The following PCDH9 variants were observed in gnomAD, a reference collection of about 807,000 sequenced individuals.
PCDH9 encodes protocadherin-9.
In PCDH9, 24 loss-of-function variants were observed where a neutral mutation model predicts 70.6. The observed-to-expected ratio is 0.34, with a 90% CI of 0.25 to 0.48. The LOEUF (loss-of-function observed/expected upper bound fraction) is 0.48. Ranked by LOEUF, PCDH9 falls within the 20% of genes least tolerant of loss-of-function variation. PCDH9 has a pLI of 0.99. For synonymous variants in PCDH9, 562 were observed against 558.5 expected, an observed-to-expected ratio of 1.01 and a Z score of -0.09; for missense variants, 1,281 against 1,503.6, an observed-to-expected ratio of 0.85 and a Z score of 2.45.
intron 2 of PCDH9, among the ~76,000 whole-genome samples, chr13:66,985,202 C>G (rs114752203): frequency 6.6e-6 from 1 of 152,122 alleles, no homozygotes; most frequent in South Asian, 2.1e-4. Context: ...TTATGCTCAA[C>G]CTTGACAAGA....
intron 2 of PCDH9, among the ~76,000 whole-genome samples, chr13:67,154,841 C>T (rs1215064214): frequency 6.6e-6 from 1 of 151,234 alleles, no homozygotes; most frequent in Non-Finnish European, 1.5e-5. Flanking sequence ...GTAGCTGGTA[C>T]TACAGGTGCG....
chr13:66,820,443 T>C (rs1594102640), intron 3 of PCDH9, among the ~76,000 whole-genome samples: 1 of 152,274 alleles, frequency 6.6e-6, no homozygotes, highest in South Asian at 2.1e-4. Context: ...AGTGTGGTAA[T>C]TGCTCAGAGT....
intron 4 of PCDH9, among the ~76,000 whole-genome samples, chr13:66,555,095 G>T (rs780700935): frequency 6.6e-6 from 1 of 151,948 alleles, no homozygotes; most frequent in Non-Finnish European, 1.5e-5. Context: ...CTTGAACCCG[G>T]GAGGCGGAGG....
chr13:66,597,294 T>C (rs1180268075), intron 4 of PCDH9, among the ~76,000 whole-genome samples: 1 of 151,644 alleles, frequency 6.6e-6, no homozygotes, highest in Non-Finnish European at 1.5e-5. Flanking sequence ...ACAAAGGACC[T>C]TCAAAGTAGA....
rs1388312996 is a variant in PCDH9 at position 67,214,933 on chromosome 13, C to CATATATATATAT, written c.3036+10471_3036+10472insATATATATATAT. On this transcript the variant is annotated intron_variant, in intron 2 of 4. Coordinates refer to ENST00000377865, the MANE Select transcript of PCDH9 (RefSeq NM_203487.3). ...TTCTGAGTGTCTGGCTATTGCGAGC[C>CATATATATATAT]AGATATATATATATATATATATATA... is the stretch of plus-strand genomic sequence containing the variant. 2.1e-3 allele frequency: 56 copies of CATATATATATAT among 26,144 alleles called. 2 individuals carry two copies. The highest frequency in any genetic ancestry group is 6.3e-3 in the African/African-American group (52 of 8,274). 1.6% of individuals were successfully genotyped at this position (26,144 alleles called of 1,614,324 possible).
intron 3 of PCDH9, among the ~76,000 whole-genome samples, chr13:66,775,192 AAG>A (rs1416290261): frequency 2.0e-5 from 3 of 152,204 alleles, no homozygotes; most frequent in African/African-American, 7.2e-5. Context: ...AAGTGGGATA[AAG>A]AGATTTATTA....
At chr13:66,533,899 G>A (rs562694970) in intron 4 of PCDH9, among the ~76,000 whole-genome samples, 212 of 152,220 alleles carry the variant, frequency 1.4e-3, no homozygotes, top group Non-Finnish European at 2.0e-3. Flanking sequence ...TGGATTTGAT[G>A]AAATAAAATG....
intron 3 of PCDH9, among the ~76,000 whole-genome samples, chr13:66,765,324 A>C (rs1421833649): frequency 6.6e-6 from 1 of 152,034 alleles, no homozygotes; most frequent in Non-Finnish European, 1.5e-5. Flanking sequence ...TCCAACCCTG[A>C]AAAAAGATAA....
intron 3 of PCDH9, among the ~76,000 whole-genome samples, chr13:66,902,889 T>TTCCAA (rs1306026896): frequency 4.6e-5 from 7 of 151,860 alleles, no homozygotes; most frequent in Non-Finnish European, 8.9e-5. Flanking sequence ...GGAAAAACCC[T>TTCCAA]TCCAACATAA....
rs1416934814 is a variant in PCDH9 at position 66,921,579 on chromosome 13, T to TAC, written c.3037-17976_3037-17975dup. On this transcript the variant is annotated intron_variant, in intron 2 of 4. Coordinates refer to ENST00000377865, the MANE Select transcript of PCDH9 (RefSeq NM_203487.3). ...ACGGATCTAAAATTTGCCACATGAATACACACACACATATGTCATGAATAT... is the reference window on the plus strand; with the variant it reads ...ACGGATCTAAAATTTGCCACATGAATACACACACACACATATGTCATGAATAT... Among the ~76,000 whole-genome samples, 7 of 151,250 alleles carry TAC rather than the reference T, an allele frequency of 4.6e-5. No homozygotes were observed. In the East Asian group the frequency reaches 1.4e-3, roughly 29 times the overall value.
chr13:66,902,858 C>A lies in PCDH9; in HGVS notation c.3138+646G>T, dbSNP rs17081990. Among the ~76,000 whole-genome samples, 1,317 of 151,590 alleles carry A rather than the reference C, an allele frequency of 8.7e-3. 21 individuals carry two copies. The highest frequency in any genetic ancestry group is 0.029 in the African/African-American group (1,219 of 41,428). ...AAGATAGTAGATTTCTATACCCAGC[C>A]ATACTGGAATAATTGGCACTGGAAA... is the stretch of plus-strand genomic sequence containing the variant. On this transcript the variant is annotated intron_variant, in intron 3 of 4. Transcript: ENST00000377865.
chr13:67,208,960 A>T (rs2089414343), intron 2 of PCDH9: 1 of 152,210 alleles, frequency 6.6e-6, no homozygotes, highest in Non-Finnish European at 1.5e-5. Flanking sequence ...AACTTTATTT[A>T]AACGTTACTT....
At chr13:67,071,884 G>C (rs1375872188) in intron 2 of PCDH9, among the ~76,000 whole-genome samples, 2 of 38,974 alleles carry the variant, frequency 5.1e-5, no homozygotes, top group Admixed American at 3.9e-4. Flanking sequence ...GGGAGACTTT[G>C]TCTCAAAAAA....
chr13:66,933,426 T>C (rs1241344504), intron 2 of PCDH9, among the ~76,000 whole-genome samples: 2 of 152,138 alleles, frequency 1.3e-5, no homozygotes, highest in South Asian at 2.1e-4. Flanking sequence ...GTATATATTA[T>C]CATGTTGTAG....
chr13:66,838,305 C>T (rs1199834898), intron 3 of PCDH9, among the ~76,000 whole-genome samples: 1 of 151,926 alleles, frequency 6.6e-6, no homozygotes, highest in East Asian at 1.9e-4. Context: ...GTACCATGCA[C>T]ATTACACTTA....
At chr13:66,863,217 T>C (rs2081513222) in intron 3 of PCDH9, among the ~76,000 whole-genome samples, 1 of 152,206 alleles carries the variant, frequency 6.6e-6, no homozygotes, top group Admixed American at 6.5e-5. Flanking sequence ...TCTCTGGTAA[T>C]GAAACTTTTA....
intron 3 of PCDH9, among the ~76,000 whole-genome samples, chr13:66,816,425 A>C (rs2080606276): frequency 6.6e-6 from 1 of 152,104 alleles, no homozygotes; most frequent in Non-Finnish European, 1.5e-5. Context: ...TACGCACACA[A>C]GTGGCTTTTT....
At chr13:66,920,568 T>C (rs1310971791) in intron 2 of PCDH9, among the ~76,000 whole-genome samples, 1 of 151,062 alleles carries the variant, frequency 6.6e-6, no homozygotes, top group East Asian at 1.9e-4. Context: ...CTCCATTCAA[T>C]CAAAAAATTA....
rs1223792308 is a variant in PCDH9, at chr13:66,948,956, C to T, written c.3037-45351G>A. On this transcript the variant is annotated intron_variant, in intron 2 of 4. Coordinates refer to ENST00000377865, the MANE Select transcript of PCDH9 (RefSeq NM_203487.3). ...TCTATTTTTGCATAGAAAATTACTA[C>T]GTTAGAGCACACGATTTAATCTAGC... is the stretch of plus-strand genomic sequence containing the variant. 6.6e-5 allele frequency among the ~76,000 whole-genome samples: 10 copies of T among 152,048 alleles called. No homozygotes were observed. The South Asian group carries it at 1.2e-3, about 19-fold the overall frequency.
Sources: gnomAD v4.1 joint callset for allele counts (sites outside exome capture counted in the v4.1 genomes callset) on GRCh38, gnomAD v4.1.1 for gene constraint, MANE v1.5 for transcripts, NCBI Gene and HGNC (gene_info 2026-07-23, HGNC 2026-07-21) for gene names.